The following SRGAP1 variants were observed in gnomAD, a reference collection of about 807,000 sequenced individuals.
The protein encoded by SRGAP1 is SLIT-ROBO Rho GTPase-activating protein 1.
In SRGAP1, 43 loss-of-function variants were observed where a neutral mutation model predicts 121.9. The ratio of observed to expected loss-of-function variants is 0.35; its 90% confidence interval spans 0.28 to 0.46. The LOEUF (loss-of-function observed/expected upper bound fraction) is 0.46, where lower values mean the gene tolerates loss of function less well. SRGAP1 is among the 20% of genes least tolerant of loss of function. The pLI, the probability that SRGAP1 is intolerant of heterozygous loss-of-function variation, is 1.00. For missense variants in SRGAP1, 1,102 were observed against 1,350.9 expected, an observed-to-expected ratio of 0.82 and a Z score of 2.89; for synonymous variants, 447 against 485.4, an observed-to-expected ratio of 0.92 and a Z score of 1.04.
intron 21 of SRGAP1, among the ~76,000 whole-genome samples, chr12:64,132,081 A>G (rs1264253309): frequency 6.6e-6 from 1 of 152,218 alleles, no homozygotes; most frequent in East Asian, 1.9e-4. Context: ...AGGTTGAGGC[A>G]GAAGAATCAT....
chr12:64,028,709 T>C lies in SRGAP1; in HGVS notation c.489+11697T>C, dbSNP rs149435864. On this transcript the variant is annotated intron_variant, in intron 4 of 21. Coordinates refer to ENST00000355086, the MANE Select transcript of SRGAP1 (RefSeq NM_020762.4). ...AGAGGTCTCTCTCACGCCTCTTTTG[T>C]AAGTGTACTGGTTGCATTCGTGAGT... is the stretch of plus-strand genomic sequence containing the variant. Among the ~76,000 whole-genome samples, 665 of 152,336 alleles carry C rather than the reference T, an allele frequency of 4.4e-3. 11 individuals carry two copies. The highest frequency in any genetic ancestry group is 9.9e-3 in the Admixed American group (151 of 15,304).
chr12:63,955,034 A>G (rs2032420042), intron 1 of SRGAP1, among the ~76,000 whole-genome samples: 1 of 152,190 alleles, frequency 6.6e-6, no homozygotes, highest in Non-Finnish European at 1.5e-5. Flanking sequence ...TAACAAATAA[A>G]AGGCCCGGCG....
chr12:64,052,515 A>G (rs1364658857), intron 6 of SRGAP1, among the ~76,000 whole-genome samples: 3 of 151,960 alleles, frequency 2.0e-5, no homozygotes, highest in East Asian at 1.9e-4. Context: ...AGATTGCGCC[A>G]TTGTACTCCA....
chr12:63,932,331 C>T (rs896288166), intron 1 of SRGAP1, among the ~76,000 whole-genome samples: 61 of 152,094 alleles, frequency 4.0e-4, no homozygotes, highest in African/African-American at 1.4e-3. Context: ...TAGAATGTGT[C>T]AAATCAAACA....
rs2037016256 is a variant in SRGAP1, at chr12:64,144,352, A to C, written c.*1680A>C. On this transcript the variant is annotated 3_prime_UTR_variant, in exon 22 of 22. Coordinates refer to ENST00000355086, the MANE Select transcript of SRGAP1 (RefSeq NM_020762.4). Reference sequence around the variant, plus strand: ...GCAGCCAATTGCACGCCCATCTAAGAGCTACACAGTGTAGATTTTACTTCA... The same window carrying C: ...GCAGCCAATTGCACGCCCATCTAAGCGCTACACAGTGTAGATTTTACTTCA... 1 of 152,110 alleles carries C rather than the reference A, an allele frequency of 6.6e-6. No homozygotes were observed. Among genetic ancestry groups the C allele is most frequent in the South Asian group, 2.1e-4 (1 of 4,822 alleles). 9.4% of individuals were successfully genotyped at this position (152,110 alleles called of 1,614,324 possible).
At chr12:63,861,950 G>A (rs1046284909) in intron 1 of SRGAP1, among the ~76,000 whole-genome samples, 4 of 152,092 alleles carry the variant, frequency 2.6e-5, no homozygotes, top group Non-Finnish European at 4.4e-5. Flanking sequence ...GGTAAACCCC[G>A]TCTCTGCTAA....
chr12:63,894,923 A>C (rs1293137629), intron 1 of SRGAP1, among the ~76,000 whole-genome samples: 1 of 151,994 alleles, frequency 6.6e-6, no homozygotes, highest in Non-Finnish European at 1.5e-5. Context: ...ATAGTGCTGC[A>C]ATAAACACAC....
chr12:64,134,480 C>T (rs2036830694), intron 21 of SRGAP1, among the ~76,000 whole-genome samples: 1 of 151,808 alleles, frequency 6.6e-6, no homozygotes, highest in South Asian at 2.1e-4. Flanking sequence ...AGGCATTGGT[C>T]AAGGACTCTC....
intron 17 of SRGAP1, among the ~76,000 whole-genome samples, chr12:64,114,652 G>C (rs2036489648): frequency 6.6e-6 from 1 of 152,012 alleles, no homozygotes; most frequent in African/African-American, 2.4e-5. Context: ...TGCCTGGCCT[G>C]GTTAGCATTT....
chr12:64,054,087 T>C (rs1470978406), intron 6 of SRGAP1, among the ~76,000 whole-genome samples: 2 of 152,322 alleles, frequency 1.3e-5, no homozygotes, highest in East Asian at 3.9e-4. Flanking sequence ...CTATCCGTGC[T>C]TTCTCCCAGA....
At chr12:64,093,589 T>C (rs957668136) in intron 12 of SRGAP1, among the ~76,000 whole-genome samples, 1 of 152,134 alleles carries the variant, frequency 6.6e-6, no homozygotes, top group Non-Finnish European at 1.5e-5. Context: ...CCTAAAACAC[T>C]TATATCTTAA....
intron 1 of SRGAP1, among the ~76,000 whole-genome samples, chr12:63,908,771 AT>A (rs957514243): frequency 6.6e-6 from 1 of 151,848 alleles, no homozygotes; most frequent in African/African-American, 2.4e-5. Context: ...TGCTGCCTTA[AT>A]TTTTTTTCTA....
intron 21 of SRGAP1, among the ~76,000 whole-genome samples, chr12:64,141,587 GA>G (rs536463673): frequency 1.4e-4 from 22 of 152,080 alleles, no homozygotes; most frequent in South Asian, 8.3e-4. Context: ...CTTGGGGGGG[GA>G]AAAAGTTGAA....
intron 8 of SRGAP1, 144 bp downstream of exon 8, chr12:64,065,363 CTTTG>C: frequency 1.4e-6 from 1 of 705,396 alleles, no homozygotes; most frequent in Non-Finnish European, 2.4e-6. Context: ...CTGTAGTACT[CTTTG>C]TAGGGGATAA....
chr12:64,118,375 T>C (rs910626677), intron 18 of SRGAP1, among the ~76,000 whole-genome samples: 3 of 152,048 alleles, frequency 2.0e-5, no homozygotes, highest in Non-Finnish European at 2.9e-5. Flanking sequence ...GCTCCAGTGA[T>C]CCTCCCACCT....
intron 1 of SRGAP1, among the ~76,000 whole-genome samples, chr12:63,969,366 G>A (rs994603902): frequency 6.6e-6 from 1 of 152,054 alleles, no homozygotes; most frequent in South Asian, 2.1e-4. Flanking sequence ...TCTTATAACC[G>A]AATAACCTAC....
chr12:63,882,897 C>T lies in SRGAP1; in HGVS notation c.67+38014C>T, dbSNP rs367600338. ...GACATTTCATAAAGGAGCTTTTCAA[C>T]GCCAGTGAGAAGTCAGCAACACAAA... On this transcript the variant is annotated intron_variant, in intron 1 of 21. Coordinates refer to ENST00000355086, the MANE Select transcript of SRGAP1 (RefSeq NM_020762.4). Among the ~76,000 whole-genome samples the T allele has an allele frequency of 6.4e-4, 97 of 152,300 alleles. 1 individual carries two copies. The South Asian group carries it at 0.018, about 28-fold the overall frequency.
intron 1 of SRGAP1, among the ~76,000 whole-genome samples, chr12:63,935,509 T>C (rs2031635524): frequency 6.6e-6 from 1 of 152,190 alleles, no homozygotes; most frequent in Non-Finnish European, 1.5e-5. Context: ...TTAATCTACA[T>C]AGTTTGGTAT....
chr12:64,091,197 T>C, intron 11 of SRGAP1, 79 bp from the exon 12 acceptor site: 1 of 983,994 alleles, frequency 1.0e-6, no homozygotes, highest in Non-Finnish European at 1.4e-6. Context: ...CCGTGTTTTG[T>C]AATATTGATG....
Sources: allele counts gnomAD v4.1 joint callset (sites outside exome capture counted in the v4.1 genomes callset), GRCh38; gene constraint gnomAD v4.1.1; transcripts MANE v1.5; gene names NCBI Gene and HGNC (gene_info 2026-07-23, HGNC 2026-07-21).